Variants in GPC6 observed in about 807,000 individuals in gnomAD.
GPC6 encodes glypican 6.
Under a neutral mutation model 55.2 loss-of-function variants are expected in GPC6, and 14 were observed. The observed-to-expected ratio is 0.25, with a 90% CI of 0.17 to 0.40. GPC6 has a LOEUF of 0.40. GPC6 is among the 10% of genes least tolerant of loss of function. The probability of loss-of-function intolerance (pLI) is 1.00; values close to 1 mark genes in which losing one functional copy is unlikely to be tolerated. For synonymous variants in GPC6, 278 were observed against 259.6 expected (o/e 1.07, Z -0.68); for missense variants, 641 against 708.5 (o/e 0.90, Z 1.08).
intron 4 of GPC6, among the ~76,000 whole-genome samples, chr13:94,190,472 T>C (rs1889354594): frequency 6.6e-6 from 1 of 152,198 alleles, no homozygotes; most frequent in Non-Finnish European, 1.5e-5. Context: ...TCCATCACTT[T>C]AGTTGATGAC....
At chr13:93,912,490 T>A (rs1268818009) in intron 3 of GPC6, among the ~76,000 whole-genome samples, 1 of 152,100 alleles carries the variant, frequency 6.6e-6, no homozygotes, top group Non-Finnish European at 1.5e-5. Context: ...ACGCCTGTAA[T>A]CCCAGCAATT....
At chr13:94,228,063 A>G (rs1890611927) in intron 4 of GPC6, among the ~76,000 whole-genome samples, 1 of 152,210 alleles carries the variant, frequency 6.6e-6, no homozygotes, top group Non-Finnish European at 1.5e-5. Flanking sequence ...TTTTCTTACT[A>G]TAAGCTCATT....
intron 3 of GPC6, among the ~76,000 whole-genome samples, chr13:93,973,087 A>G (rs992799618): frequency 1.1e-4 from 16 of 152,050 alleles, no homozygotes; most frequent in Admixed American, 8.5e-4. Flanking sequence ...CCTTCTGAGA[A>G]TGTGTCATTA....
At chr13:93,645,636 C>T (rs889337042) in intron 2 of GPC6, among the ~76,000 whole-genome samples, 22 of 152,170 alleles carry the variant, frequency 1.4e-4, no homozygotes, top group Admixed American at 2.0e-4. Context: ...CACGTTTTGT[C>T]GATCTTGCTT....
chr13:93,620,481 T>C (rs1485545510), intron 2 of GPC6, among the ~76,000 whole-genome samples: 1 of 152,240 alleles, frequency 6.6e-6, no homozygotes, highest in East Asian at 1.9e-4. Flanking sequence ...TTTCTTTAGC[T>C]ATAGAATGCC....
At chr13:94,123,514 G>A (rs1040189674) in intron 4 of GPC6, among the ~76,000 whole-genome samples, 4 of 151,804 alleles carry the variant, frequency 2.6e-5, no homozygotes, top group African/African-American at 9.7e-5. Context: ...GTTGCATAAG[G>A]CATCTTATAT....
intron 1 of GPC6, among the ~76,000 whole-genome samples, chr13:93,522,174 G>C (rs9561383): frequency 6.6e-6 from 1 of 151,676 alleles, no homozygotes; most frequent in African/African-American, 2.4e-5. Context: ...GGGTCTCTGC[G>C]CCTGTCATTA....
chr13:94,380,451 CAAACTT>C (rs1371194953), intron 6 of GPC6, among the ~76,000 whole-genome samples: 1 of 152,044 alleles, frequency 6.6e-6, no homozygotes, highest in Admixed American at 6.5e-5. Flanking sequence ...AAAAAAAAGT[CAAACTT>C]AACTGAAAAT....
chr13:93,706,047 C>T (rs1301798956), intron 2 of GPC6, among the ~76,000 whole-genome samples: 3 of 151,706 alleles, frequency 2.0e-5, no homozygotes, highest in Admixed American at 1.3e-4. Flanking sequence ...GAATCTGGTG[C>T]TGTTAAGTAG....
At chr13:94,233,030 T>C (rs1890779774) in intron 4 of GPC6, among the ~76,000 whole-genome samples, 1 of 130,872 alleles carries the variant, frequency 7.6e-6, no homozygotes, top group African/African-American at 3.0e-5. Flanking sequence ...CCAGGAAACA[T>C]GGAACTGACT....
chr13:93,494,146 GT>G (rs1880154294), intron 1 of GPC6, among the ~76,000 whole-genome samples: 1 of 108,852 alleles, frequency 9.2e-6, no homozygotes. Context: ...CATTATTAAT[GT>G]GTGGGAGTCT....
chr13:94,054,240 T>C (rs1251700307), intron 4 of GPC6, among the ~76,000 whole-genome samples: 1 of 152,188 alleles, frequency 6.6e-6, no homozygotes, highest in East Asian at 1.9e-4. Flanking sequence ...ACTTTTTGGT[T>C]AGTGCATCAG....
chr13:93,665,958 G>GT (rs1323116005), intron 2 of GPC6, among the ~76,000 whole-genome samples: 1 of 152,100 alleles, frequency 6.6e-6, no homozygotes, highest in African/African-American at 2.4e-5. Flanking sequence ...TGCTATACCC[G>GT]TAAGTCAGGC....
intron 6 of GPC6, among the ~76,000 whole-genome samples, chr13:94,339,136 C>T (rs1877885371): frequency 6.6e-6 from 1 of 151,962 alleles, no homozygotes; most frequent in African/African-American, 2.4e-5. Context: ...GCAAACACAG[C>T]TCCGTGCAGC....
In GPC6 at chr13:93,432,887, G is replaced by A. The variant is rs1026425064; in HGVS notation, c.161-112376G>A. Among the ~76,000 whole-genome samples the A allele has an allele frequency of 5.3e-5, 8 of 151,830 alleles. No homozygotes were observed. The South Asian group carries it at 1.2e-3, about 24-fold the overall frequency. ...TGGAGTTTTTCTTTTGTGTCTGTGT[G>A]TGTGAGAGAGTGAGAGGGAGAGAGG... On this transcript the variant is annotated intron_variant, in intron 1 of 8. Transcript: ENST00000377047.
intron 3 of GPC6, among the ~76,000 whole-genome samples, chr13:93,857,494 T>C (rs765117397): frequency 2.0e-5 from 3 of 151,592 alleles, no homozygotes; most frequent in Non-Finnish European, 4.4e-5. Flanking sequence ...TTATTTTTAT[T>C]CCTTGAGAAT....
intron 4 of GPC6, among the ~76,000 whole-genome samples, chr13:94,160,574 C>G (rs1888124206): frequency 6.6e-6 from 1 of 152,244 alleles, no homozygotes; most frequent in South Asian, 2.1e-4. Flanking sequence ...GCCCATTAAA[C>G]CATCCGTGGT....
chr13:93,309,170 T>C (rs868158920), intron 1 of GPC6, among the ~76,000 whole-genome samples: 28 of 152,220 alleles, frequency 1.8e-4, no homozygotes, highest in African/African-American at 6.0e-4. Flanking sequence ...CAAATAATTC[T>C]TGTTTACAAT....
rs557527159 is a variant in GPC6 at position 93,898,962 on chromosome 13, T to TAC, written c.711+68418_711+68419insCA. On this transcript the variant is annotated intron_variant, in intron 3 of 8. Coordinates refer to ENST00000377047, the MANE Select transcript of GPC6 (RefSeq NM_005708.5). ...ATAAATATATATATATATATATATA[T>TAC]ATATACACACACATATATATACATA... is the stretch of plus-strand genomic sequence containing the variant. Among the ~76,000 whole-genome samples, 1,360 of 146,592 alleles carry TAC rather than the reference T, an allele frequency of 9.3e-3. 19 individuals are homozygous for TAC. Among genetic ancestry groups the TAC allele is most frequent in the African/African-American group, 0.032 (1,265 of 40,012 alleles).
Sources: allele counts gnomAD v4.1 joint callset (sites outside exome capture counted in the v4.1 genomes callset), GRCh38; gene constraint gnomAD v4.1.1; transcripts MANE v1.5; gene names NCBI Gene and HGNC (gene_info 2026-07-23, HGNC 2026-07-21).